Variants in ABCC4 observed in about 807,000 individuals in gnomAD.
ABCC4 encodes ATP binding cassette subfamily C member 4 (PEL blood group).
A neutral mutation model predicts 168.5 loss-of-function variants in ABCC4; 102 were observed. The observed-to-expected ratio is 0.61, with a 90% CI of 0.52 to 0.71. The LOEUF (loss-of-function observed/expected upper bound fraction) is 0.71, where lower values mean the gene tolerates loss of function less well. ABCC4 is among the 30% of genes least tolerant of loss of function. The pLI is 0.00. For missense variants in ABCC4, 1,402 were observed against 1,605.8 expected (o/e 0.87, Z 2.17); for synonymous variants, 617 against 590.7 (o/e 1.04, Z -0.65).
rs776286309 is a variant in ABCC4 at position 95,178,057 on chromosome 13, A to C, written c.1580T>G (p.Val527Gly). The change falls in exon 12 of 31, where the codon GTG becomes GGG. Residue 527 changes from valine (V) to glycine (G), a missense_variant. Transcript: ENST00000645237. ...LQLLEDGDLT[V>G]IGDRGTTLSG... The stretch of plus-strand genomic sequence containing the variant: ...CAGCGTGGTTCCCCGATCTCCTATC[A>C]CAGTCAGATCACCATCCTCCAACAG... 6.2e-7 allele frequency: 1 copy of C among 1,614,176 alleles called. No individual in the cohort carries two copies. Among genetic ancestry groups the C allele is most frequent in the Non-Finnish European group, 8.5e-7 (1 of 1,180,018 alleles).
intron 1 of ABCC4, among the ~76,000 whole-genome samples, chr13:95,255,099 T>A (rs1348991125): frequency 1.3e-5 from 2 of 152,236 alleles, no homozygotes; most frequent in Non-Finnish European, 2.9e-5. Context: ...AAGGCCTGGA[T>A]TCTGCAAATG....
At chr13:95,168,836 A>G (rs2037372957) in intron 14 of ABCC4, among the ~76,000 whole-genome samples, 1 of 152,132 alleles carries the variant, frequency 6.6e-6, no homozygotes, top group Non-Finnish European at 1.5e-5. Flanking sequence ...TTGAATGGTG[A>G]CCATGACCCC....
At chr13:95,073,968 T>C (rs2033814002) in intron 23 of ABCC4, among the ~76,000 whole-genome samples, 1 of 152,130 alleles carries the variant, frequency 6.6e-6, no homozygotes, top group African/African-American at 2.4e-5. Context: ...AACAGGAATG[T>C]TCAGAATCTC....
At chr13:95,112,119 G>A (rs372343117) in intron 20 of ABCC4, among the ~76,000 whole-genome samples, 10 of 152,276 alleles carry the variant, frequency 6.6e-5, no homozygotes, top group South Asian at 4.2e-4. Flanking sequence ...TTGGGAGGCC[G>A]AGGTGGGTGG....
At chr13:95,278,381 G>A (rs2138906533) in intron 1 of ABCC4, among the ~76,000 whole-genome samples, 1 of 152,238 alleles carries the variant, frequency 6.6e-6, no homozygotes, top group South Asian at 2.1e-4. Context: ...AGTGTGATAA[G>A]GGATATAAAC....
intron 20 of ABCC4, among the ~76,000 whole-genome samples, chr13:95,088,201 C>T (rs990685952): frequency 2.6e-5 from 4 of 152,106 alleles, no homozygotes; most frequent in East Asian, 1.9e-4. Flanking sequence ...TTCCTTTGTA[C>T]ATTTTTTCCA....
chr13:95,184,524 C>T (rs1338264232), intron 11 of ABCC4, among the ~76,000 whole-genome samples: 1 of 152,156 alleles, frequency 6.6e-6, no homozygotes, highest in Non-Finnish European at 1.5e-5. Flanking sequence ...TTTTATCTCT[C>T]CAACCCTCCA....
At chr13:95,186,915 A>C in intron 10 of ABCC4, 23 bp from the exon 11 acceptor site, 5 of 1,590,324 alleles carry the variant, frequency 3.1e-6, no homozygotes, top group Non-Finnish European at 4.3e-6. Flanking sequence ...GTAAAAAAGC[A>C]CATGTTCAGT....
At chr13:95,291,211 C>T (rs1566605344) in intron 1 of ABCC4, among the ~76,000 whole-genome samples, 1 of 151,938 alleles carries the variant, frequency 6.6e-6, no homozygotes, top group Non-Finnish European at 1.5e-5. Flanking sequence ...AAAAATTAGC[C>T]AGCTGTGGTG....
chr13:95,041,457 T>C (rs994787118), intron 29 of ABCC4, among the ~76,000 whole-genome samples: 2 of 152,218 alleles, frequency 1.3e-5, no homozygotes, highest in Non-Finnish European at 2.9e-5. Context: ...CAAAACGTAA[T>C]TATTACACCT....
At chr13:95,189,742 G>T (rs1295838070) in intron 9 of ABCC4, among the ~76,000 whole-genome samples, 1 of 151,992 alleles carries the variant, frequency 6.6e-6, no homozygotes, top group African/African-American at 2.4e-5. Flanking sequence ...AAAAACTGAA[G>T]AATAATGAAA....
chr13:95,026,293 A>G (rs536815738), intron 30 of ABCC4, among the ~76,000 whole-genome samples: 16 of 152,340 alleles, frequency 1.1e-4, no homozygotes, highest in African/African-American at 3.8e-4. Context: ...TGAAGGCAGC[A>G]CAAAGATTAG....
In ABCC4 at chr13:95,188,480, A is replaced by G; in HGVS notation, c.1326T>C (p.Ala442=). The G allele has an allele frequency of 6.2e-7, 1 of 1,614,180 alleles. No individual in the cohort carries two copies. The highest frequency in any genetic ancestry group is 8.5e-7 in the Non-Finnish European group (1 of 1,180,008). Reference sequence around the variant, plus strand: ...TCCCTGCTCCCACGGGGCCGACCACAGCTAACAATTCGCCAGGTCTGACAG... The same window carrying G: ...TCCCTGCTCCCACGGGGCCGACCACGGCTAACAATTCGCCAGGTCTGACAG... The part of the protein sequence containing the change: ...SFTVRPGELL[A]VVGPVGAGKS... The change falls in exon 10 of 31, where the codon GCT becomes GCC. Residue 442 remains alanine, a synonymous_variant. Transcript: ENST00000645237.
chr13:95,162,890 TC>T (rs1286267920), intron 18 of ABCC4, among the ~76,000 whole-genome samples: 1 of 152,254 alleles, frequency 6.6e-6, no homozygotes, highest in Non-Finnish European at 1.5e-5. Flanking sequence ...GAATGCTCAA[TC>T]CTGGTTTAAC....
chr13:95,026,141 G>A (rs1344301962), intron 30 of ABCC4, among the ~76,000 whole-genome samples: 1 of 152,200 alleles, frequency 6.6e-6, no homozygotes, highest in Non-Finnish European at 1.5e-5. Flanking sequence ...TTGGGAGGCT[G>A]AAGCATGAGA....
At chr13:95,058,719 T>C (rs1406603648) in intron 26 of ABCC4, among the ~76,000 whole-genome samples, 2 of 152,212 alleles carry the variant, frequency 1.3e-5, no homozygotes, top group Non-Finnish European at 2.9e-5. Flanking sequence ...CTACTACTTA[T>C]TAGCTGTTCA....
intron 19 of ABCC4, among the ~76,000 whole-genome samples, chr13:95,139,740 T>C (rs999887088): frequency 1.3e-5 from 2 of 152,220 alleles, no homozygotes; most frequent in African/African-American, 2.4e-5. Flanking sequence ...TCATATTCAA[T>C]GGTTCTTTCC....
At chr13:95,288,790 A>C (rs1195831737) in intron 1 of ABCC4, among the ~76,000 whole-genome samples, 4 of 152,218 alleles carry the variant, frequency 2.6e-5, no homozygotes, top group Non-Finnish European at 5.9e-5. Flanking sequence ...ATGGGGGATA[A>C]ATTTAGCAAG....
At chr13:95,145,761 C>T (rs12431219) in intron 19 of ABCC4, among the ~76,000 whole-genome samples, 45,116 of 152,060 alleles carry the variant, frequency 0.3, 7,724 homozygotes, top group African/African-American at 0.48. Flanking sequence ...TGGAATACTA[C>T]GCAGCCATAG....
Sources: gnomAD v4.1 joint callset for allele counts (sites outside exome capture counted in the v4.1 genomes callset) on GRCh38, gnomAD v4.1.1 for gene constraint, MANE v1.5 for transcripts, NCBI Gene and HGNC (gene_info 2026-07-23, HGNC 2026-07-21) for gene names.